Variants in NUSAP1 observed in about 807,000 individuals in gnomAD.
NUSAP1 encodes the protein nucleolar and spindle-associated protein 1.
In NUSAP1, 32 loss-of-function variants were observed where a neutral mutation model predicts 52.8. That is an observed-to-expected ratio of 0.61 (90% confidence interval 0.46 to 0.81). The LOEUF (loss-of-function observed/expected upper bound fraction) is 0.81. NUSAP1 is among the 40% of genes least tolerant of loss of function. The pLI is 0.00. For missense variants in NUSAP1, 499 were observed against 522.3 expected (o/e 0.96, Z 0.43); for synonymous variants, 195 against 183.1 (o/e 1.06, Z -0.52).
chr15:41,378,587 A>G (rs1003745116), intron 10 of NUSAP1, among the ~76,000 whole-genome samples: 1 of 152,130 alleles, frequency 6.6e-6, no homozygotes, highest in Non-Finnish European at 1.5e-5. Flanking sequence ...AGTTGAAGAC[A>G]TGGAGAAACC....
intron 7 of NUSAP1, among the ~76,000 whole-genome samples, chr15:41,369,107 A>G (rs979703650): frequency 6.6e-6 from 1 of 151,960 alleles, no homozygotes; most frequent in South Asian, 2.1e-4. Context: ...ATTCAGTGAC[A>G]CAGTAATGGC....
At chr15:41,351,515 G>C (rs560598724) in intron 4 of NUSAP1, among the ~76,000 whole-genome samples, 1 of 152,348 alleles carries the variant, frequency 6.6e-6, no homozygotes, top group South Asian at 2.1e-4. Flanking sequence ...GCCAAGCATA[G>C]TGGCTGGTGC....
chr15:41,338,967 A>G (rs2048276078), intron 1 of NUSAP1, among the ~76,000 whole-genome samples: 1 of 150,838 alleles, frequency 6.6e-6, no homozygotes, highest in Non-Finnish European at 1.5e-5. Flanking sequence ...TCTGTCTCCA[A>G]AAAAAAAAAT....
In NUSAP1 at chr15:41,380,276, C is replaced by T; in HGVS notation, c.*90C>T. The T allele has an allele frequency of 1.1e-5, 9 of 811,118 alleles. No homozygotes were observed. The highest frequency in any genetic ancestry group is 1.8e-5 in the Non-Finnish European group (9 of 501,446). The allele number at this position is 811,118 out of a possible 1,614,324, so 50.2% of individuals were successfully genotyped here. A position where few individuals can be genotyped will look rare whatever the true frequency, so the allele number is the denominator to read the frequency against. ...TTTTTGCTGTCATCCCCACTTTAGT[C>T]ACGAGATCTTTTTCTGCTAACTGTT... On this transcript the variant is annotated 3_prime_UTR_variant, in exon 11 of 11. Coordinates refer to ENST00000559596, the MANE Select transcript of NUSAP1 (RefSeq NM_016359.5).
At chr15:41,354,920 T>C (rs994285183) in intron 4 of NUSAP1, among the ~76,000 whole-genome samples, 21 of 150,460 alleles carry the variant, frequency 1.4e-4, no homozygotes, top group African/African-American at 4.9e-4. Flanking sequence ...CTCGGGAGGC[T>C]GAGGCAGGAG....
chr15:41,370,749 C>CAAAAAA (rs60034914), intron 7 of NUSAP1, among the ~76,000 whole-genome samples: 1 of 70,792 alleles, frequency 1.4e-5, no homozygotes, highest in Admixed American at 1.7e-4. Context: ...AACTCCATCT[C>CAAAAAA]AAAAAAAAAA....
chr15:41,365,300 G>A lies in NUSAP1; in HGVS notation c.661-102G>A, dbSNP rs561412230. The stretch of plus-strand genomic sequence containing the variant: ...GCCTCCTGAGTAGCTGGGACTATAG[G>A]CACATGCCACAACGCCCGGCTAATT... On this transcript the variant is annotated intron_variant, in intron 6 of 10. Transcript: ENST00000559596. 356 of 930,704 alleles carry A rather than the reference G, an allele frequency of 3.8e-4. 4 individuals are homozygous for A. The East Asian group carries it at 8.3e-3, about 22-fold the overall frequency. 57.7% of individuals were successfully genotyped at this position (930,704 alleles called of 1,614,324 possible). A position where few individuals can be genotyped will look rare whatever the true frequency, so the allele number is the denominator to read the frequency against.
chr15:41,344,900 C>T (rs770811379), intron 2 of NUSAP1, among the ~76,000 whole-genome samples: 21 of 152,136 alleles, frequency 1.4e-4, no homozygotes, highest in Non-Finnish European at 2.6e-4. Context: ...AAGATTACGC[C>T]GCTGCATTCC....
chr15:41,356,174 G>T (rs1250004064), intron 5 of NUSAP1, 34 bp downstream of exon 5: 8 of 1,221,866 alleles, frequency 6.5e-6, no homozygotes, highest in Middle Eastern at 1.9e-4. Context: ...AATAAGTAAT[G>T]GTTGCCCCAC....
At chr15:41,356,807 T>A (rs1460424416) in intron 5 of NUSAP1, among the ~76,000 whole-genome samples, 1 of 152,214 alleles carries the variant, frequency 6.6e-6, no homozygotes, top group Non-Finnish European at 1.5e-5. Flanking sequence ...CACCTTCTAA[T>A]GAGTTTTTCA....
chr15:41,375,954 T>C (rs2140864689), intron 9 of NUSAP1, 126 bp downstream of exon 9: 1 of 625,954 alleles, frequency 1.6e-6, no homozygotes, highest in Admixed American at 2.6e-5. Context: ...TAATCCCAGA[T>C]ACTTAGGATG....
chr15:41,349,188 G>A lies in NUSAP1; in HGVS notation c.253G>A (p.Val85Ile). ...EEAERQPLGH[V>I]TKTRRRCKTV... ...AGCTGAGAGACAGCCACTTGGCCATGTCACCAAAACAAGGAGAAGGTGCAA... is the reference window on the plus strand; with the variant it reads ...AGCTGAGAGACAGCCACTTGGCCATATCACCAAAACAAGGAGAAGGTGCAA... Residue 85 changes from valine to isoleucine, a missense_variant, in exon 3 of 11, where the codon GTC (valine) becomes ATC (isoleucine). Physicochemically the swap from Val to Ile is conservative, Grantham distance 29. Transcript: ENST00000559596. 6.2e-7 allele frequency: 1 copy of A among 1,613,958 alleles called. No homozygotes were observed. The highest frequency in any genetic ancestry group is 8.5e-7 in the Non-Finnish European group (1 of 1,179,854).
In NUSAP1 at chr15:41,375,736, C is replaced by A. The variant is rs1281533356; in HGVS notation, c.1031C>A (p.Thr344Asn). ...AAVITPFKLT[T>N]EATQTPVSNK... Reference sequence around the variant, plus strand: ...GTTATTACCCCATTCAAGTTGACAACTGAGGCAACGCAGACTCCAGTCTCC... The same window carrying A: ...GTTATTACCCCATTCAAGTTGACAAATGAGGCAACGCAGACTCCAGTCTCC... The change falls in exon 9 of 11, where the codon ACT becomes AAT. Residue 344 changes from threonine to asparagine, a missense_variant. Transcript: ENST00000559596. 2.5e-6 allele frequency: 4 copies of A among 1,613,438 alleles called. No individual in the cohort carries two copies. Among genetic ancestry groups the A allele is most frequent in the Non-Finnish European group, 2.5e-6 (3 of 1,179,412 alleles).
intron 7 of NUSAP1, among the ~76,000 whole-genome samples, chr15:41,369,506 G>A (rs1048651495): frequency 6.6e-6 from 1 of 151,826 alleles, no homozygotes; most frequent in Non-Finnish European, 1.5e-5. Context: ...AAATTATCTG[G>A]GCATGGTGGT....
At chr15:41,352,209 T>C (rs1408449570) in intron 4 of NUSAP1, among the ~76,000 whole-genome samples, 1 of 152,188 alleles carries the variant, frequency 6.6e-6, no homozygotes, top group African/African-American at 2.4e-5. Flanking sequence ...CCCAAAGTGC[T>C]GAGATTACAG....
Position 41,359,643 on chromosome 15 carries a change from T to C in NUSAP1, c.660+1385T>C, listed in dbSNP as rs182512928. 1.2e-3 allele frequency among the ~76,000 whole-genome samples: 187 copies of C among 152,062 alleles called. 1 individual carries two copies. The highest frequency in any genetic ancestry group is 4.4e-3 in the African/African-American group (182 of 41,506). ...TTTTTTTTCTTTTCTTTTCTTTTTTTTTTTTGAGACAGAGTTTCGCTCTTG... is the reference window on the plus strand; with the variant it reads ...TTTTTTTTCTTTTCTTTTCTTTTTTCTTTTTGAGACAGAGTTTCGCTCTTG... On this transcript the variant is annotated intron_variant, in intron 6 of 10. Transcript: ENST00000559596.
At chr15:41,338,353 G>A (rs1378356927) in intron 1 of NUSAP1, among the ~76,000 whole-genome samples, 2 of 152,056 alleles carry the variant, frequency 1.3e-5, no homozygotes, top group African/African-American at 2.4e-5. Context: ...TCAACAACAC[G>A]GTCAGGTCCA....
In NUSAP1 at chr15:41,371,682, C is replaced by G. The variant is rs769371821; in HGVS notation, c.1004C>G (p.Ala335Gly). ...AAGACCATCACGGGGAATTCTGCTGCTGGTAAAAAAAAAAAAAAACAAAAG... is the reference window on the plus strand; with the variant it reads ...AAGACCATCACGGGGAATTCTGCTGGTGGTAAAAAAAAAAAAAAACAAAAG... ...KLKTITGNSA[A>G]VITPFKLTTE... The change falls in exon 8 of 11, where the codon GCT (alanine) becomes GGT (glycine). Residue 335 changes from alanine to glycine, a missense_variant and splice_region_variant. By Grantham distance (60) the Ala-to-Gly change is moderately conservative. Coordinates refer to ENST00000559596, the MANE Select transcript of NUSAP1 (RefSeq NM_016359.5). 4 of 1,571,512 alleles carry G rather than the reference C, an allele frequency of 2.5e-6. No individual in the cohort carries two copies. In the African/African-American group the frequency reaches 5.6e-5, roughly 22 times the overall value.
At chr15:41,374,291 G>A (rs141343171) in intron 8 of NUSAP1, among the ~76,000 whole-genome samples, 28 of 152,180 alleles carry the variant, frequency 1.8e-4, no homozygotes, top group African/African-American at 6.5e-4. Context: ...GGGCAGATCA[G>A]GGCACTAGCA....
Sources: allele counts gnomAD v4.1 joint callset (sites outside exome capture counted in the v4.1 genomes callset), GRCh38; gene constraint gnomAD v4.1.1; transcripts MANE v1.5; gene names NCBI Gene and HGNC (gene_info 2026-07-23, HGNC 2026-07-21).